Variants in MCC observed in about 807,000 individuals in gnomAD.
MCC encodes colorectal mutant cancer protein.
Under a neutral mutation model 116.2 loss-of-function variants are expected in MCC, and 90 were observed. The ratio of observed to expected loss-of-function variants is 0.77; its 90% confidence interval spans 0.65 to 0.92. The LOEUF (loss-of-function observed/expected upper bound fraction) is 0.92. Ranked by LOEUF, MCC falls within the 40% of genes least tolerant of loss-of-function variation. MCC has a pLI of 0.00. For synonymous variants in MCC, 578 were observed against 510.5 expected, an observed-to-expected ratio of 1.13 and a Z score of -1.78; for missense variants, 1,516 against 1,312.2, an observed-to-expected ratio of 1.16 and a Z score of -2.40.
intron 5 of MCC, among the ~76,000 whole-genome samples, chr5:113,124,186 A>T (rs2150271631): frequency 6.6e-6 from 1 of 152,356 alleles, no homozygotes; most frequent in Non-Finnish European, 1.5e-5. Flanking sequence ...AGTGGTGAAG[A>T]CAAAAAATAC....
Position 113,049,347 on chromosome 5 carries a change from G to A in MCC, c.2449-48C>T, listed in dbSNP as rs576172330. 4 of 1,470,228 alleles carry A rather than the reference G, an allele frequency of 2.7e-6. No homozygotes were observed. In the African/African-American group the frequency reaches 5.6e-5, roughly 21 times the overall value. The allele number at this position is 1,470,228 out of a possible 1,614,324, so 91.1% of individuals were successfully genotyped here. On this transcript the variant is annotated intron_variant, in intron 15 of 18. Coordinates refer to ENST00000408903, the MANE Select transcript of MCC (RefSeq NM_001085377.2). ...CACATGAGGCATGCCCTATCTGAGA[G>A]CAGGCCTGGCTGCTGCCAAGTGGGT...
At chr5:113,457,828 G>A (rs917720257) in intron 1 of MCC, among the ~76,000 whole-genome samples, 8 of 150,450 alleles carry the variant, frequency 5.3e-5, no homozygotes, top group Admixed American at 3.3e-4. Context: ...TACACCAATC[G>A]GCACTCTGTA....
chr5:113,062,420 C>T (rs907702871), intron 14 of MCC, among the ~76,000 whole-genome samples: 6 of 152,128 alleles, frequency 3.9e-5, no homozygotes, highest in African/African-American at 1.4e-4. Flanking sequence ...AGAATAAAAC[C>T]ACAACATTCT....
chr5:113,415,748 G>A (rs748486573), intron 1 of MCC, among the ~76,000 whole-genome samples: 2 of 152,058 alleles, frequency 1.3e-5, no homozygotes, highest in African/African-American at 2.4e-5. Flanking sequence ...TGTTATTACC[G>A]ACCTTCTGAA....
chr5:113,402,032 C>A (rs548845934), intron 1 of MCC, among the ~76,000 whole-genome samples: 4 of 151,720 alleles, frequency 2.6e-5, no homozygotes, highest in Non-Finnish European at 1.5e-5. Flanking sequence ...CGGTGGCTCA[C>A]GCCTGTAATC....
rs532099936 is a variant in MCC at position 113,090,943 on chromosome 5, G to C, written c.1399-5633C>G. 2.0e-4 allele frequency among the ~76,000 whole-genome samples: 31 copies of C among 152,358 alleles called. No homozygotes were observed. The East Asian group carries it at 6.0e-3, about 29-fold the overall frequency. On this transcript the variant is annotated intron_variant, in intron 8 of 18. Transcript: ENST00000408903. ...AAGAAGGCTGAAGGAGTTGCCAGGA[G>C]GTGGTGCCACCGCAAGCCCAGGGGC...
chr5:113,092,901 G>A (rs1326074003), intron 8 of MCC, among the ~76,000 whole-genome samples: 2 of 152,162 alleles, frequency 1.3e-5, no homozygotes, highest in Admixed American at 1.3e-4. Flanking sequence ...ATGTGCAAGG[G>A]ACTATGCCCC....
intron 3 of MCC, among the ~76,000 whole-genome samples, chr5:113,245,734 C>G (rs1384697633): frequency 2.0e-5 from 3 of 152,112 alleles, no homozygotes; most frequent in African/African-American, 7.2e-5. Flanking sequence ...TTTATTTTCT[C>G]CGTTTTTCAT....
At chr5:113,376,098 A>C (rs1768974194) in intron 2 of MCC, among the ~76,000 whole-genome samples, 1 of 152,092 alleles carries the variant, frequency 6.6e-6, no homozygotes, top group Non-Finnish European at 1.5e-5. Flanking sequence ...AAAAAAATTA[A>C]CCTTGGTAAT....
intron 6 of MCC, among the ~76,000 whole-genome samples, chr5:113,120,675 G>A (rs1757685179): frequency 6.6e-6 from 1 of 152,188 alleles, no homozygotes; most frequent in African/African-American, 2.4e-5. Flanking sequence ...TCCGCCTAGT[G>A]GAATTTAGTG....
At chr5:113,221,519 T>C (rs2150329303) in intron 3 of MCC, among the ~76,000 whole-genome samples, 1 of 152,324 alleles carries the variant, frequency 6.6e-6, no homozygotes, top group Middle Eastern at 3.4e-3. Flanking sequence ...GATTAGAAAT[T>C]ATGGTTTAGG....
intron 2 of MCC, among the ~76,000 whole-genome samples, chr5:113,346,639 A>AC (rs1768141497): frequency 6.8e-6 from 1 of 146,736 alleles, no homozygotes; most frequent in African/African-American, 2.5e-5. Context: ...ACAACAAAAA[A>AC]AACAACAAAA....
At position 113,434,111 on chromosome 5, in the gene MCC, G is replaced by C. The variant is rs1432367459; in HGVS notation, c.171-48899C>G. The stretch of plus-strand genomic sequence containing the variant: ...TGTGGTAGATGAGGTCCTTGCACTC[G>C]CCTGTCAGGTGCTTGGAGCGTGGGA... On this transcript the variant is annotated intron_variant, in intron 1 of 18. Transcript: ENST00000408903. This position sits in a 1 kb window ranked among gnomAD's most constrained non-coding sequence, Gnocchi z 4.2. The C allele has an allele frequency of 6.2e-7, 1 of 1,614,098 alleles. No individual in the cohort carries two copies. Among genetic ancestry groups the C allele is most frequent in the South Asian group, 1.1e-5 (1 of 91,090 alleles).
At chr5:113,256,924 ACT>A (rs777361203) in intron 3 of MCC, among the ~76,000 whole-genome samples, 44 of 152,044 alleles carry the variant, frequency 2.9e-4, no homozygotes, top group Non-Finnish European at 4.3e-4. Flanking sequence ...CCAGATTAAA[ACT>A]CTCCTTGAGT....
intron 17 of MCC, among the ~76,000 whole-genome samples, chr5:113,039,023 C>G (rs980334658): frequency 1.3e-5 from 2 of 152,148 alleles, no homozygotes; most frequent in Non-Finnish European, 2.9e-5. Context: ...GGGCAGGGCG[C>G]TGACTCCTGC....
intron 3 of MCC, among the ~76,000 whole-genome samples, chr5:113,301,252 G>C (rs969694519): frequency 2.0e-5 from 3 of 152,150 alleles, no homozygotes; most frequent in African/African-American, 7.2e-5. Flanking sequence ...GGTCACCCGA[G>C]GTCGGGAGTT....
intron 1 of MCC, among the ~76,000 whole-genome samples, chr5:113,440,784 A>G (rs114569420): frequency 1.5e-4 from 23 of 152,358 alleles, no homozygotes; most frequent in African/African-American, 4.1e-4. Context: ...AAGGAACAGG[A>G]AAAAGAGAAG....
At chr5:113,271,334 T>C (rs1765610479) in intron 3 of MCC, among the ~76,000 whole-genome samples, 1 of 152,142 alleles carries the variant, frequency 6.6e-6, no homozygotes, top group Non-Finnish European at 1.5e-5. Flanking sequence ...GGATTAAGCA[T>C]TGTGTACACA....
intron 3 of MCC, among the ~76,000 whole-genome samples, chr5:113,275,768 C>G (rs1220970561): frequency 6.6e-6 from 1 of 152,118 alleles, no homozygotes; most frequent in Non-Finnish European, 1.5e-5. Flanking sequence ...GGAGGATGCG[C>G]ATAGCTTATA....
Sources: allele counts gnomAD v4.1 joint callset (sites outside exome capture counted in the v4.1 genomes callset), GRCh38; gene constraint gnomAD v4.1.1; non-coding constraint Gnocchi (gnomAD v3.1); transcripts MANE v1.5; gene names NCBI Gene and HGNC (gene_info 2026-07-23, HGNC 2026-07-21).